Variants in ARHGAP18 observed in about 807,000 individuals in gnomAD.
The protein encoded by ARHGAP18 is Rho GTPase activating protein 18.
ARHGAP18 carries 67 observed loss-of-function variants against 86.2 expected under a neutral mutation model. The observed-to-expected ratio is 0.78, with a 90% CI of 0.64 to 0.95. ARHGAP18 has a LOEUF of 0.95. Ranked by LOEUF, ARHGAP18 falls within the 40% of genes least tolerant of loss-of-function variation. The pLI, the probability that ARHGAP18 is intolerant of heterozygous loss-of-function variation, is 0.00. For synonymous variants in ARHGAP18, 283 were observed against 280.4 expected, an observed-to-expected ratio of 1.01 and a Z score of -0.09; for missense variants, 691 against 780.4, an observed-to-expected ratio of 0.89 and a Z score of 1.37.
chr6:129,644,730 T>C (rs1231888079), intron 1 of ARHGAP18, among the ~76,000 whole-genome samples: 1 of 152,252 alleles, frequency 6.6e-6, no homozygotes, highest in African/African-American at 2.4e-5. Context: ...CTTTCACTCC[T>C]GAAGGAATGT....
At chr6:129,644,771 T>C (rs770125878) in intron 1 of ARHGAP18, among the ~76,000 whole-genome samples, 11 of 152,226 alleles carry the variant, frequency 7.2e-5, no homozygotes, top group Non-Finnish European at 1.0e-4. Flanking sequence ...TCCAGTAAAT[T>C]TCCATTAAGA....
At chr6:129,602,918 C>T (rs1349869100) in intron 10 of ARHGAP18, among the ~76,000 whole-genome samples, 4 of 151,614 alleles carry the variant, frequency 2.6e-5, no homozygotes, top group Non-Finnish European at 4.4e-5. Flanking sequence ...ATAAAATTAA[C>T]GAGATGTTAG....
At chr6:129,698,701 T>G (rs1189963781) in intron 1 of ARHGAP18, among the ~76,000 whole-genome samples, 1 of 148,950 alleles carries the variant, frequency 6.7e-6, no homozygotes, top group Non-Finnish European at 1.5e-5. Flanking sequence ...GTTTTTTTTT[T>G]TTTTTTTTTT....
At chr6:129,708,287 G>C (rs1032182884) in intron 1 of ARHGAP18, among the ~76,000 whole-genome samples, 1 of 152,146 alleles carries the variant, frequency 6.6e-6, no homozygotes, top group African/African-American at 2.4e-5. Context: ...CTACGTGACA[G>C]CCAGCAAAGG....
rs1211131296 is a variant in ARHGAP18 at position 129,710,175 on chromosome 6, G to C, written c.-39C>G. 6.6e-7 allele frequency: 1 copy of C among 1,516,036 alleles called. No homozygotes were observed. Among genetic ancestry groups the C allele is most frequent in the South Asian group, 1.1e-5 (1 of 88,166 alleles). 93.9% of individuals were successfully genotyped at this position (1,516,036 alleles called of 1,614,324 possible). A position where few individuals can be genotyped will look rare whatever the true frequency, so the allele number is the denominator to read the frequency against. On this transcript the variant is annotated 5_prime_UTR_variant, in exon 1 of 15. Coordinates refer to ENST00000368149, the MANE Select transcript of ARHGAP18 (RefSeq NM_033515.3). ...ACATACTTTCTGCGATCCTGACACAGAGAAGGGGAAAGAAGTTCCTGTCTC... is the reference window on the plus strand; with the variant it reads ...ACATACTTTCTGCGATCCTGACACACAGAAGGGGAAAGAAGTTCCTGTCTC...
intron 1 of ARHGAP18, among the ~76,000 whole-genome samples, chr6:129,698,984 G>T (rs777506353): frequency 2.6e-5 from 4 of 151,254 alleles, no homozygotes; most frequent in Non-Finnish European, 5.9e-5. Flanking sequence ...TGAGCCACAC[G>T]CCCGGCCTAA....
At chr6:129,587,511 A>G (rs902941853) in intron 12 of ARHGAP18, among the ~76,000 whole-genome samples, 2 of 152,200 alleles carry the variant, frequency 1.3e-5, no homozygotes, top group African/African-American at 4.8e-5. Flanking sequence ...TAAAGAAAAG[A>G]GGTTTAATTG....
chr6:129,671,544 A>G (rs1015146917), intron 1 of ARHGAP18, among the ~76,000 whole-genome samples: 6 of 152,124 alleles, frequency 3.9e-5, no homozygotes, highest in African/African-American at 1.4e-4. Context: ...ATAAAAAAAA[A>G]TTAAAAATTA....
At chr6:129,607,021 G>A (rs1788868280) in intron 9 of ARHGAP18, among the ~76,000 whole-genome samples, 1 of 151,746 alleles carries the variant, frequency 6.6e-6, no homozygotes, top group Non-Finnish European at 1.5e-5. Context: ...CACTATGCCT[G>A]GCTAATTTTT....
intron 5 of ARHGAP18, among the ~76,000 whole-genome samples, chr6:129,623,026 A>T (rs1789264661): frequency 2.0e-5 from 3 of 149,472 alleles, no homozygotes. Context: ...AAAAAAAAAA[A>T]AGGAAAAAGA....
At chr6:129,583,498 G>A (rs745810393) in intron 13 of ARHGAP18, among the ~76,000 whole-genome samples, 7 of 152,114 alleles carry the variant, frequency 4.6e-5, no homozygotes, top group Admixed American at 3.3e-4. Context: ...AGACTTCAGC[G>A]CTCAAAGGCC....
chr6:129,683,012 T>C (rs970938296), intron 1 of ARHGAP18, among the ~76,000 whole-genome samples: 7 of 152,028 alleles, frequency 4.6e-5, no homozygotes, highest in African/African-American at 9.7e-5. Context: ...CACAGACTTA[T>C]ATACTTCAGG....
intron 1 of ARHGAP18, among the ~76,000 whole-genome samples, chr6:129,661,423 G>T (rs1005427771): frequency 6.7e-6 from 1 of 148,960 alleles, no homozygotes; most frequent in Non-Finnish European, 1.5e-5. Flanking sequence ...ACAGTGGTTT[G>T]CCTTGATAAT....
chr6:129,605,795 C>T (rs1288251555), intron 10 of ARHGAP18, 82 bp downstream of exon 10: 6 of 1,245,744 alleles, frequency 4.8e-6, no homozygotes, highest in African/African-American at 1.5e-5. Flanking sequence ...CCAAGATACA[C>T]ATCTTATTGT....
At chr6:129,680,587 A>G (rs942192170) in intron 1 of ARHGAP18, among the ~76,000 whole-genome samples, 2 of 152,222 alleles carry the variant, frequency 1.3e-5, no homozygotes, top group Admixed American at 6.5e-5. Context: ...AAAGAGCCCA[A>G]GAAAGCTCAG....
At chr6:129,587,201 G>A in intron 12 of ARHGAP18, among the ~76,000 whole-genome samples, 1 of 152,114 alleles carries the variant, frequency 6.6e-6, no homozygotes, top group East Asian at 1.9e-4. Flanking sequence ...ACTCATCTTA[G>A]GAACAATGTC....
At chr6:129,643,585 A>G (rs1463247282) in intron 1 of ARHGAP18, among the ~76,000 whole-genome samples, 2 of 152,206 alleles carry the variant, frequency 1.3e-5, no homozygotes, top group Non-Finnish European at 2.9e-5. Flanking sequence ...ATGGACTAAC[A>G]ATAAATTTTT....
intron 1 of ARHGAP18, among the ~76,000 whole-genome samples, chr6:129,647,138 T>TA (rs1189777148): frequency 4.9e-4 from 74 of 152,050 alleles, no homozygotes; most frequent in Middle Eastern, 3.4e-3. Flanking sequence ...AAAATGTCTT[T>TA]AAAAAAAACC....
chr6:129,618,177 ATGG>A lies in ARHGAP18; in HGVS notation c.952+507_952+509del, dbSNP rs1789136068. Among the ~76,000 whole-genome samples, 3 of 152,102 alleles carry A rather than the reference ATGG, an allele frequency of 2.0e-5. No individual in the cohort carries two copies. The South Asian group carries it at 6.2e-4, about 32-fold the overall frequency. On this transcript the variant is annotated intron_variant, in intron 6 of 14. Transcript: ENST00000368149. Reference sequence around the variant, plus strand: ...AATCTAGTGGTATTGTTTTGTCACAATGGTGGTATTTTCTTAATAGGGGAAAGA... The same window carrying A: ...AATCTAGTGGTATTGTTTTGTCACAATGGTATTTTCTTAATAGGGGAAAGA...
Sources: allele counts gnomAD v4.1 joint callset (sites outside exome capture counted in the v4.1 genomes callset), GRCh38; gene constraint gnomAD v4.1.1; transcripts MANE v1.5; gene names NCBI Gene and HGNC (gene_info 2026-07-23, HGNC 2026-07-21).